Variants in COL4A6 observed in about 807,000 individuals in gnomAD.
COL4A6 encodes the protein collagen alpha-6(IV) chain.
In COL4A6, 59 loss-of-function variants were observed where a neutral mutation model predicts 126.7. That is an observed-to-expected ratio of 0.47 (90% CI 0.38 to 0.58). COL4A6 has a LOEUF of 0.58. COL4A6 is among the 20% of genes least tolerant of loss of function. The pLI is 0.00. For missense variants in COL4A6, 1,285 were observed against 1,337.3 expected, an observed-to-expected ratio of 0.96 and a Z score of 0.61; for synonymous variants, 547 against 496.6, an observed-to-expected ratio of 1.10 and a Z score of -1.35.
intron 2 of COL4A6, among the ~76,000 whole-genome samples, chrX:108,409,263 G>T (rs2041278307): frequency 1.8e-5 from 2 of 111,920 alleles, no homozygotes; most frequent in Admixed American, 1.9e-4. Context: ...GTGAGGAGAT[G>T]AATCTAGCAA....
chrX:108,416,527 G>A (rs1257186551), intron 2 of COL4A6, among the ~76,000 whole-genome samples: 1 of 112,061 alleles, frequency 8.9e-6, no homozygotes, highest in East Asian at 2.8e-4. Flanking sequence ...TTAGGATAAT[G>A]TCTAGGAGTA....
rs751376221 is a variant in COL4A6, at chrX:108,187,840, C to T, written c.1767+8G>A. On this transcript the variant is annotated splice_region_variant and intron_variant, in intron 22 of 44. Transcript: ENST00000334504. Reference sequence around the variant, plus strand: ...GTAGAGCTAATCACCTAGGAACGATCAACTTACCGGAAGGCCTGGCAGACC... The same window carrying T: ...GTAGAGCTAATCACCTAGGAACGATTAACTTACCGGAAGGCCTGGCAGACC... 1.7e-6 allele frequency: 2 copies of T among 1,200,042 alleles called. No individual in the cohort carries two copies. Among genetic ancestry groups the T allele is most frequent in the Non-Finnish European group, 2.3e-6 (2 of 887,902 alleles).
intron 3 of COL4A6, among the ~76,000 whole-genome samples, chrX:108,308,090 A>G (rs1212772878): frequency 1.8e-5 from 2 of 111,508 alleles, no homozygotes; most frequent in Non-Finnish European, 3.8e-5. Flanking sequence ...TGAGGTAAAA[A>G]TCTGTGCAGG....
chrX:108,173,705 G>C (rs1342683684), intron 31 of COL4A6, among the ~76,000 whole-genome samples: 1 of 112,306 alleles, frequency 8.9e-6, no homozygotes. Context: ...CTGTCTGAAG[G>C]CTATTTAAAT....
At chrX:108,379,464 G>T (rs1383671324) in intron 2 of COL4A6, among the ~76,000 whole-genome samples, 8 of 72,312 alleles carry the variant, frequency 1.1e-4, no homozygotes, top group African/African-American at 4.4e-4. Flanking sequence ...TTTTTGTAGA[G>T]AAGGGGCTTG....
At chrX:108,202,602 G>A (rs1239729346) in intron 13 of COL4A6, among the ~76,000 whole-genome samples, 1 of 111,508 alleles carries the variant, frequency 9.0e-6, no homozygotes. Flanking sequence ...TTTTTTGTAG[G>A]TTAGGAAACT....
chrX:108,431,236 C>T (rs778258489), intron 2 of COL4A6, among the ~76,000 whole-genome samples: 1 of 111,706 alleles, frequency 9.0e-6, no homozygotes, highest in East Asian at 2.8e-4. Context: ...GAATTAATAG[C>T]ATAAATAAAA....
At chrX:108,215,249 T>C (rs926601278) in intron 5 of COL4A6, among the ~76,000 whole-genome samples, 8 of 112,440 alleles carry the variant, frequency 7.1e-5, no homozygotes, top group African/African-American at 2.6e-4. Context: ...GTTGTTATTA[T>C]AGTTGTAAGA....
intron 32 of COL4A6, 98 bp downstream of exon 32, chrX:108,172,365 GAAAAAA>G (rs397935341): frequency 7.2e-5 from 8 of 111,285 alleles, no homozygotes; most frequent in South Asian, 4.4e-4. Context: ...GCCTAAAAAA[GAAAAAA>G]AAAAAAAAAA....
chrX:108,191,290 C>A, intron 19 of COL4A6, 103 bp downstream of exon 19: 1 of 1,007,889 alleles, frequency 9.9e-7, no homozygotes, highest in Non-Finnish European at 1.4e-6. Flanking sequence ...TGTATCCTGG[C>A]TTAGCTGTTT....
At chrX:108,167,271 A>G (rs911242115) in intron 37 of COL4A6, among the ~76,000 whole-genome samples, 6 of 112,184 alleles carry the variant, frequency 5.3e-5, no homozygotes, top group Non-Finnish European at 1.9e-5. Context: ...ATGAAAACAA[A>G]TAGTATCATT....
chrX:108,312,889 G>C (rs887069643), intron 2 of COL4A6, among the ~76,000 whole-genome samples: 5 of 110,052 alleles, frequency 4.5e-5, no homozygotes, highest in African/African-American at 1.7e-4. Flanking sequence ...CTCAAGCATG[G>C]AGCAAAGAGG....
At chrX:108,394,157 C>G (rs1248806322) in intron 2 of COL4A6, among the ~76,000 whole-genome samples, 1 of 111,650 alleles carries the variant, frequency 9.0e-6, no homozygotes. Context: ...CCATCATTCT[C>G]AGCAAACTAA....
intron 3 of COL4A6, among the ~76,000 whole-genome samples, chrX:108,298,978 C>T (rs924298405): frequency 1.8e-5 from 2 of 111,141 alleles, no homozygotes; most frequent in Non-Finnish European, 3.8e-5. Flanking sequence ...GATAATGGAT[C>T]GCATCAGATC....
At chrX:108,434,123 T>C (rs764837456) in intron 2 of COL4A6, among the ~76,000 whole-genome samples, 17 of 111,709 alleles carry the variant, frequency 1.5e-4, no homozygotes, top group Non-Finnish European at 2.6e-4. Context: ...AAACTATGCT[T>C]AAAAATTAAA....
At chrX:108,281,833 A>G (rs760138278) in intron 3 of COL4A6, among the ~76,000 whole-genome samples, 2 of 110,874 alleles carry the variant, frequency 1.8e-5, no homozygotes, top group South Asian at 3.9e-4. Context: ...GCCCTCAGAA[A>G]TAACGCCGCA....
At chrX:108,279,030 G>A (rs982016633) in intron 3 of COL4A6, among the ~76,000 whole-genome samples, 17 of 112,066 alleles carry the variant, frequency 1.5e-4, no homozygotes, top group African/African-American at 5.2e-4. Flanking sequence ...ACCAGCCACT[G>A]CAAAAACATG....
At chrX:108,383,592 C>A in intron 2 of COL4A6, 1 of 519,500 alleles carries the variant, frequency 1.9e-6, no homozygotes, top group South Asian at 3.0e-5. Context: ...ATAGCTGTTT[C>A]CCTTGTCCAG....
chrX:108,292,295 C>T (rs1425012205), intron 3 of COL4A6, among the ~76,000 whole-genome samples: 1 of 112,279 alleles, frequency 8.9e-6, no homozygotes, highest in African/African-American at 3.2e-5. Flanking sequence ...CAGTAGCTTA[C>T]AACATATTTT....
Sources: allele counts gnomAD v4.1 joint callset (sites outside exome capture counted in the v4.1 genomes callset), GRCh38; gene constraint gnomAD v4.1.1; transcripts MANE v1.5; gene names NCBI Gene and HGNC (gene_info 2026-07-23, HGNC 2026-07-21).